Variants in PJA2 observed in about 807,000 individuals in gnomAD.
PJA2 encodes the protein E3 ubiquitin-protein ligase Praja-2.
A neutral mutation model predicts 69.3 loss-of-function variants in PJA2; 25 were observed. The observed-to-expected ratio is 0.36, with a 90% CI of 0.26 to 0.50. The LOEUF is 0.50. PJA2 is among the 20% of genes least tolerant of loss of function. The pLI, the probability that PJA2 is intolerant of heterozygous loss-of-function variation, is 0.96. For synonymous variants in PJA2, 308 were observed against 277.8 expected, an observed-to-expected ratio of 1.11 and a Z score of -1.08; for missense variants, 809 against 830.2, an observed-to-expected ratio of 0.97 and a Z score of 0.31.
At chr5:109,360,260 T>A (rs1404291408) in intron 6 of PJA2, among the ~76,000 whole-genome samples, 1 of 152,210 alleles carries the variant, frequency 6.6e-6, no homozygotes, top group Non-Finnish European at 1.5e-5. Context: ...ATGGTAGAGT[T>A]GGGATTTGTC....
intron 1 of PJA2, among the ~76,000 whole-genome samples, chr5:109,389,935 T>A (rs868832142): frequency 4.6e-5 from 7 of 151,696 alleles, no homozygotes; most frequent in Middle Eastern, 3.2e-3. Flanking sequence ...GGTTGTAATA[T>A]AATTCTATAG....
At chr5:109,393,094 A>G (rs1019952166) in intron 1 of PJA2, among the ~76,000 whole-genome samples, 1 of 152,244 alleles carries the variant, frequency 6.6e-6, no homozygotes, top group African/African-American at 2.4e-5. Context: ...TACATTACAT[A>G]CAAGTATCAA....
intron 4 of PJA2, among the ~76,000 whole-genome samples, chr5:109,371,437 A>C (rs1762673280): frequency 6.6e-6 from 1 of 152,174 alleles, no homozygotes; most frequent in African/African-American, 2.4e-5. Context: ...GACTCTTCAC[A>C]AACTCCCCAC....
chr5:109,368,896 G>A (rs1250273134), intron 4 of PJA2, 150 bp from the exon 5 acceptor site: 8 of 714,908 alleles, frequency 1.1e-5, no homozygotes, highest in Non-Finnish European at 1.8e-5. Flanking sequence ...GGCCTGGTGG[G>A]AGGTGACTGC....
At chr5:109,359,889 C>T (rs1470389671) in intron 6 of PJA2, among the ~76,000 whole-genome samples, 4 of 151,878 alleles carry the variant, frequency 2.6e-5, no homozygotes, top group African/African-American at 4.8e-5. Flanking sequence ...TCTTGGATGT[C>T]GGAAATTCAT....
At chr5:109,407,632 A>T (rs1044866558) in intron 1 of PJA2, among the ~76,000 whole-genome samples, 1 of 152,168 alleles carries the variant, frequency 6.6e-6, no homozygotes, top group Non-Finnish European at 1.5e-5. Context: ...AAAACTGTGA[A>T]TATCTCCTGA....
At chr5:109,385,078 G>C (rs1331021616) in intron 1 of PJA2, among the ~76,000 whole-genome samples, 2 of 152,230 alleles carry the variant, frequency 1.3e-5, no homozygotes, top group African/African-American at 4.8e-5. Flanking sequence ...GCCACCCAAA[G>C]TGCTGGGATT....
rs567116769 is a variant in PJA2 at position 109,396,895 on chromosome 5, G to C, written c.-88+12947C>G. Among the ~76,000 whole-genome samples the C allele has an allele frequency of 1.3e-4, 20 of 152,018 alleles. No homozygotes were observed. In the South Asian group the frequency reaches 4.2e-3, roughly 32 times the overall value. The stretch of plus-strand genomic sequence containing the variant: ...AAAGAAAGTGAAAAGAAATATAAAA[G>C]AAAAAATTGAGACATATAAGAAAAT... On this transcript the variant is annotated intron_variant, in intron 1 of 9. Transcript: ENST00000361189.
At chr5:109,388,246 C>A (rs1389217165) in intron 1 of PJA2, among the ~76,000 whole-genome samples, 2 of 152,162 alleles carry the variant, frequency 1.3e-5, no homozygotes, top group Admixed American at 1.3e-4. Context: ...CCGTTCCTGA[C>A]AAAATCCACA....
At chr5:109,390,642 C>A (rs1747261567) in intron 1 of PJA2, 1 of 151,832 alleles carries the variant, frequency 6.6e-6, no homozygotes, top group Non-Finnish European at 1.5e-5. Context: ...TCTCACCTGT[C>A]CTTTGTTCCT....
Position 109,362,862 on chromosome 5 carries a change from C to T in PJA2, c.1630G>A (p.Glu544Lys). ...TACCTCCAATCCACATCTAAGTCTT[C>T]ACTCACACTGGAGTCATCCTCCAGG... Reference protein sequence around the residue: ...NNLEDDSSVSEDLDVDWSLFD... With the variant: ...NNLEDDSSVSKDLDVDWSLFD... The change falls in exon 6 of 10, where the codon GAA becomes AAA. Residue 544 changes from glutamate (E) to lysine (K), a missense_variant. Glu to Lys is a moderately conservative substitution (Grantham distance 56). Around this residue, in one of 4 missense-constraint regions of PJA2, gnomAD observed 700 missense variants for 639.5 expected, o/e 1.09. Transcript: ENST00000361189. The T allele has an allele frequency of 6.2e-7, 1 of 1,610,438 alleles. No individual in the cohort carries two copies. The highest frequency in any genetic ancestry group is 8.5e-7 in the Non-Finnish European group (1 of 1,177,430).
At chr5:109,354,929 A>C (rs1472860685) in intron 7 of PJA2, among the ~76,000 whole-genome samples, 2 of 151,792 alleles carry the variant, frequency 1.3e-5, no homozygotes, top group Admixed American at 1.3e-4. Flanking sequence ...AGCCTGGGTA[A>C]CATAATTGGA....
At chr5:109,407,305 T>C (rs1747715226) in intron 1 of PJA2, among the ~76,000 whole-genome samples, 2 of 151,248 alleles carry the variant, frequency 1.3e-5, no homozygotes, top group South Asian at 4.2e-4. Context: ...TCAAAAGATG[T>C]CAAAAAAATA....
At chr5:109,374,438 A>C (rs1450625103) in intron 4 of PJA2, among the ~76,000 whole-genome samples, 1 of 152,232 alleles carries the variant, frequency 6.6e-6, no homozygotes, top group Non-Finnish European at 1.5e-5. Flanking sequence ...GCTCTCAGGT[A>C]ACCTACACGG....
At chr5:109,396,101 C>A (rs76488307) in intron 1 of PJA2, among the ~76,000 whole-genome samples, 4,616 of 151,734 alleles carry the variant, frequency 0.03, 91 homozygotes, top group Middle Eastern at 0.048. Flanking sequence ...AAGAAAAAGT[C>A]TGAGATATTA....
chr5:109,393,754 G>A (rs1477377894), intron 1 of PJA2, among the ~76,000 whole-genome samples: 1 of 152,058 alleles, frequency 6.6e-6, no homozygotes, highest in Non-Finnish European at 1.5e-5. Flanking sequence ...ATATTTGTAG[G>A]CAGAATACTA....
chr5:109,335,503 T>C lies in PJA2; in HGVS notation c.*1728A>G, dbSNP rs1182087381. 2.0e-5 allele frequency: 3 copies of C among 152,292 alleles called. No individual in the cohort carries two copies. Among genetic ancestry groups the C allele is most frequent in the South Asian group, 2.1e-4 (1 of 4,834 alleles). 9.4% of individuals were successfully genotyped at this position (152,292 alleles called of 1,614,324 possible). ...TCTAAATATAATGTGTGGCTTATTA[T>C]AGAGAAATCTTTAGCAACGTAAGTT... On this transcript the variant is annotated 3_prime_UTR_variant, in exon 10 of 10. Coordinates refer to ENST00000361189, the MANE Select transcript of PJA2 (RefSeq NM_014819.5).
intron 6 of PJA2, among the ~76,000 whole-genome samples, chr5:109,358,369 T>C (rs1762452951): frequency 4.6e-5 from 7 of 152,248 alleles, no homozygotes; most frequent in Admixed American, 4.6e-4. Flanking sequence ...AGTTAATCTA[T>C]GATTTACAGA....
chr5:109,388,146 T>G (rs1747200720), intron 1 of PJA2, among the ~76,000 whole-genome samples: 1 of 152,136 alleles, frequency 6.6e-6, no homozygotes, highest in African/African-American at 2.4e-5. Context: ...TTCCTTAATT[T>G]CTCTGCTCAC....
Sources: allele counts gnomAD v4.1 joint callset (sites outside exome capture counted in the v4.1 genomes callset), GRCh38; gene constraint gnomAD v4.1.1; regional missense constraint gnomAD v4.1.1; transcripts MANE v1.5; gene names NCBI Gene and HGNC (gene_info 2026-07-23, HGNC 2026-07-21).